HLCS: variants seen among roughly 807,000 people sequenced by gnomAD.
HLCS encodes the protein biotin--protein ligase.
In HLCS, 53 loss-of-function variants were observed where a neutral mutation model predicts 75.0. The observed-to-expected ratio is 0.71, with a 90% CI of 0.57 to 0.89. HLCS has a LOEUF of 0.89. HLCS is among the 40% of genes least tolerant of loss of function. The pLI is 0.00. For missense variants in HLCS, 966 were observed against 1,074.0 expected, an observed-to-expected ratio of 0.90 and a Z score of 1.41; for synonymous variants, 431 against 428.6, an observed-to-expected ratio of 1.01 and a Z score of -0.07.
In HLCS at chr21:36,896,977, G is replaced by T; in HGVS notation, c.1775C>A (p.Ala592Asp). 3 of 1,614,122 alleles carry T rather than the reference G, an allele frequency of 1.9e-6. No homozygotes were observed. The highest frequency in any genetic ancestry group is 2.5e-6 in the Non-Finnish European group (3 of 1,179,994). The change falls in exon 6 of 11, where the codon GCC becomes GAC. Residue 592 changes from alanine to aspartate, a missense_variant. Transcript: ENST00000674895. ...SCIPVVTNME[A>D]FSSEHFNLEI... ...TAAGTTGAAATGTTCTGATGAGAAGGCCTCCATGTTGGTCACCACAGGTAT... is the reference window on the plus strand; with the variant it reads ...TAAGTTGAAATGTTCTGATGAGAAGTCCTCCATGTTGGTCACCACAGGTAT...
chr21:36,764,792 T>C (rs1470211505), intron 8 of HLCS, among the ~76,000 whole-genome samples: 1 of 152,100 alleles, frequency 6.6e-6, no homozygotes, highest in Non-Finnish European at 1.5e-5. Flanking sequence ...AAAAACTGGG[T>C]AGAAAGGGAG....
chr21:36,875,615 G>A (rs529409459), intron 6 of HLCS, among the ~76,000 whole-genome samples: 2 of 152,176 alleles, frequency 1.3e-5, no homozygotes, highest in Non-Finnish European at 2.9e-5. Flanking sequence ...TCATCGGGAC[G>A]ATCTGCCTGC....
upstream of HLCS, among the ~76,000 whole-genome samples, chr21:36,967,687 T>C (rs1044435648): frequency 6.6e-6 from 1 of 152,212 alleles, no homozygotes; most frequent in Admixed American, 6.5e-5. Context: ...AAAGCAATCA[T>C]GTACACCACG....
At chr21:36,918,809 C>A (rs1185406356) in intron 5 of HLCS, among the ~76,000 whole-genome samples, 4 of 152,228 alleles carry the variant, frequency 2.6e-5, no homozygotes, top group African/African-American at 9.6e-5. Context: ...CAGAAATCAA[C>A]TTTGCCCTAA....
At chr21:36,771,922 C>G (rs1568986410) in intron 6 of HLCS, among the ~76,000 whole-genome samples, 1 of 151,702 alleles carries the variant, frequency 6.6e-6, no homozygotes, top group Non-Finnish European at 1.5e-5. Flanking sequence ...TCACTTGAAC[C>G]CAGGGGGCGG....
intron 6 of HLCS, among the ~76,000 whole-genome samples, chr21:36,886,175 T>C (rs775510682): frequency 1.3e-5 from 2 of 151,960 alleles, no homozygotes; most frequent in Non-Finnish European, 2.9e-5. Context: ...CTCAGGCCTG[T>C]AATCCCAGCA....
intron 6 of HLCS, among the ~76,000 whole-genome samples, chr21:36,888,038 T>A (rs2064547133): frequency 6.6e-6 from 1 of 152,158 alleles, no homozygotes; most frequent in Non-Finnish European, 1.5e-5. Flanking sequence ...CCAGAATCAA[T>A]TTTTCAAACT....
intron 6 of HLCS, among the ~76,000 whole-genome samples, chr21:36,776,156 A>G (rs1461224042): frequency 6.6e-6 from 1 of 152,216 alleles, no homozygotes; most frequent in African/African-American, 2.4e-5. Flanking sequence ...GACTTAAAGA[A>G]AAGTTACAGG....
At chr21:36,836,737 T>A (rs956178372) in intron 6 of HLCS, among the ~76,000 whole-genome samples, 1 of 151,926 alleles carries the variant, frequency 6.6e-6, no homozygotes, top group African/African-American at 2.4e-5. Flanking sequence ...AGAAGACATT[T>A]ATGCAGCCAA....
chr21:36,957,785 T>C (rs1384868766), intron 2 of HLCS, among the ~76,000 whole-genome samples: 6 of 149,604 alleles, frequency 4.0e-5, no homozygotes. Flanking sequence ...AAAAATTACC[T>C]GGGCGTTGTG....
At chr21:36,885,287 G>A (rs921058633) in intron 6 of HLCS, among the ~76,000 whole-genome samples, 4 of 151,872 alleles carry the variant, frequency 2.6e-5, no homozygotes, top group Non-Finnish European at 4.4e-5. Context: ...TGGGAGGATC[G>A]CTTAAATTCA....
chr21:36,897,232 T>C, intron 5 of HLCS, 101 bp from the exon 6 acceptor site: 2 of 1,155,282 alleles, frequency 1.7e-6, no homozygotes, highest in East Asian at 4.7e-5. Context: ...GAGTACTTCC[T>C]AATTCATGAC....
intron 9 of HLCS, among the ~76,000 whole-genome samples, chr21:36,758,101 T>A (rs2089676053): frequency 6.6e-6 from 1 of 152,122 alleles, no homozygotes; most frequent in African/African-American, 2.4e-5. Flanking sequence ...CTTTATTTTT[T>A]ATTTTTATTT....
chr21:36,963,914 T>C (rs893292595), intron 1 of HLCS, among the ~76,000 whole-genome samples: 3 of 152,192 alleles, frequency 2.0e-5, no homozygotes, highest in African/African-American at 7.2e-5. Context: ...ATGCATTTGA[T>C]TTTAAGTGTA....
intron 6 of HLCS, among the ~76,000 whole-genome samples, chr21:36,822,410 A>G (rs544046936): frequency 2.6e-5 from 4 of 152,246 alleles, no homozygotes; most frequent in African/African-American, 9.6e-5. Context: ...AGCCTGGGTG[A>G]CGGAGCAAGA....
chr21:36,752,341 C>T lies in HLCS; in HGVS notation c.*1905G>A, dbSNP rs142955652. On this transcript the variant is annotated 3_prime_UTR_variant, in exon 11 of 11. Transcript: ENST00000674895. ...AACATTTTTTCCCAAAGCAGAGTGTCCAGAATAGGACTTCAGCTTAAAACA... is the reference window on the plus strand; with the variant it reads ...AACATTTTTTCCCAAAGCAGAGTGTTCAGAATAGGACTTCAGCTTAAAACA... 6.6e-6 allele frequency: 1 copy of T among 152,574 alleles called. No individual in the cohort carries two copies. Among genetic ancestry groups the T allele is most frequent in the Non-Finnish European group, 1.5e-5 (1 of 68,036 alleles). The allele number at this position is 152,574 out of a possible 1,614,324, so 9.5% of individuals were successfully genotyped here.
intron 1 of HLCS, 106 bp from the exon 2 acceptor site, chr21:36,962,276 T>C (rs750461936): frequency 1.3e-6 from 1 of 743,820 alleles, no homozygotes; most frequent in Non-Finnish European, 1.9e-6. Flanking sequence ...CCAAGTGACA[T>C]GGAAATAAGC....
chr21:36,887,129 CAAAAA>C (rs11306825), intron 6 of HLCS, among the ~76,000 whole-genome samples: 3 of 136,296 alleles, frequency 2.2e-5, no homozygotes, highest in Non-Finnish European at 4.8e-5. Flanking sequence ...GATTCTGTCT[CAAAAA>C]AAAAAAAAAA....
chr21:36,756,040 C>T (rs1200504165), intron 10 of HLCS, among the ~76,000 whole-genome samples: 6 of 152,206 alleles, frequency 3.9e-5, no homozygotes, highest in Non-Finnish European at 8.8e-5. Context: ...CCCGTTTGCT[C>T]CATTACTTGT....
Sources: allele counts gnomAD v4.1 joint callset (sites outside exome capture counted in the v4.1 genomes callset), GRCh38; gene constraint gnomAD v4.1.1; transcripts MANE v1.5; gene names NCBI Gene and HGNC (gene_info 2026-07-23, HGNC 2026-07-21).